Variants in RBMS3 observed in about 807,000 individuals in gnomAD.
RBMS3 encodes the protein RNA binding motif single stranded interacting protein 3.
In RBMS3, 27 loss-of-function variants were observed where a neutral mutation model predicts 66.8. The observed-to-expected ratio is 0.40, with a 90% CI of 0.30 to 0.56. The LOEUF (loss-of-function observed/expected upper bound fraction) is 0.56. RBMS3 is among the 20% of genes least tolerant of loss of function. The probability of loss-of-function intolerance (pLI) is 0.40; values close to 1 mark genes in which losing one functional copy is unlikely to be tolerated. For missense variants in RBMS3, 513 were observed against 549.5 expected (o/e 0.93, Z 0.66); for synonymous variants, 188 against 183.0 (o/e 1.03, Z -0.22).
At chr3:29,982,215 G>T (rs1349023796) in intron 12 of RBMS3, among the ~76,000 whole-genome samples, 1 of 152,106 alleles carries the variant, frequency 6.6e-6, no homozygotes, top group Non-Finnish European at 1.5e-5. Flanking sequence ...TTGCATAGAG[G>T]TGTTTATAGT....
At chr3:29,645,787 C>T (rs1255406267) in intron 4 of RBMS3, among the ~76,000 whole-genome samples, 1 of 152,192 alleles carries the variant, frequency 6.6e-6, no homozygotes, top group African/African-American at 2.4e-5. Flanking sequence ...GGATGTCATA[C>T]ATCCCATATT....
chr3:29,882,273 T>C (rs545128725), intron 7 of RBMS3, among the ~76,000 whole-genome samples: 1 of 152,270 alleles, frequency 6.6e-6, no homozygotes, highest in South Asian at 2.1e-4. Context: ...AAACTTAGAA[T>C]CTTTGTTCAT....
intron 6 of RBMS3, among the ~76,000 whole-genome samples, chr3:29,841,781 A>C (rs2149504477): frequency 6.6e-6 from 1 of 152,202 alleles, no homozygotes; most frequent in African/African-American, 2.4e-5. Flanking sequence ...AATTGGAGTA[A>C]TCTATCAAAA....
chr3:29,456,612 A>G (rs201155516), intron 2 of RBMS3, among the ~76,000 whole-genome samples: 41 of 152,320 alleles, frequency 2.7e-4, no homozygotes, highest in East Asian at 2.1e-3. Flanking sequence ...ATGCCTAGGA[A>G]AGTAAAGACC....
At chr3:29,937,429 C>A (rs2061294661) in intron 11 of RBMS3, among the ~76,000 whole-genome samples, 1 of 151,998 alleles carries the variant, frequency 6.6e-6, no homozygotes, top group Admixed American at 6.6e-5. Context: ...CTTGTTGACT[C>A]ATGGGCTTTT....
At chr3:29,713,333 A>G (rs2053252432) in intron 4 of RBMS3, among the ~76,000 whole-genome samples, 1 of 152,106 alleles carries the variant, frequency 6.6e-6, no homozygotes. Flanking sequence ...GAAAAGAAAG[A>G]TAAGACATAA....
intron 4 of RBMS3, among the ~76,000 whole-genome samples, chr3:29,702,055 T>C (rs1182445217): frequency 6.6e-6 from 1 of 152,120 alleles, no homozygotes; most frequent in African/African-American, 2.4e-5. Context: ...GGTTTGTAAA[T>C]ATGCCAATCA....
intron 5 of RBMS3, among the ~76,000 whole-genome samples, chr3:29,751,804 C>A (rs1028847266): frequency 2.0e-5 from 3 of 152,172 alleles, no homozygotes; most frequent in Non-Finnish European, 2.9e-5. Context: ...AGCACTCAAA[C>A]CCCTTGTGGG....
chr3:29,545,895 T>C (rs1203937496), intron 3 of RBMS3, among the ~76,000 whole-genome samples: 1 of 152,216 alleles, frequency 6.6e-6, no homozygotes, highest in Non-Finnish European at 1.5e-5. Flanking sequence ...AGTCTTTTGA[T>C]TTTAACTATA....
In RBMS3 at chr3:29,446,014, A is replaced by C. The variant is rs564759622; in HGVS notation, c.248+11099A>C. On this transcript the variant is annotated intron_variant, in intron 2 of 14. Coordinates refer to ENST00000383767, the MANE Select transcript of RBMS3 (RefSeq NM_001003793.3). ...ATGTACCTATGTAGCCACGACAACA[A>C]TCAAGATATAAAACATTTCTATCAT... Among the ~76,000 whole-genome samples the C allele has an allele frequency of 1.3e-3, 195 of 152,314 alleles. 8 individuals carry two copies. In the South Asian group the frequency reaches 0.04, roughly 31 times the overall value.
At chr3:29,477,731 A>C (rs1255394935) in intron 2 of RBMS3, among the ~76,000 whole-genome samples, 1 of 152,002 alleles carries the variant, frequency 6.6e-6, no homozygotes. Flanking sequence ...GATGAGGAGA[A>C]TGAGGTTAGT....
intron 2 of RBMS3, among the ~76,000 whole-genome samples, chr3:29,477,152 C>G (rs1033714382): frequency 6.6e-6 from 1 of 151,138 alleles, no homozygotes; most frequent in Non-Finnish European, 1.5e-5. Flanking sequence ...ATTTTACAGT[C>G]AGTATTTTTA....
chr3:29,598,769 G>T (rs1205753361), intron 4 of RBMS3, among the ~76,000 whole-genome samples: 1 of 151,966 alleles, frequency 6.6e-6, no homozygotes, highest in African/African-American at 2.4e-5. Flanking sequence ...CACAATCTGA[G>T]AATGTGTATT....
intron 6 of RBMS3, among the ~76,000 whole-genome samples, chr3:29,811,519 C>T (rs1326357712): frequency 1.3e-5 from 2 of 152,120 alleles, no homozygotes; most frequent in South Asian, 2.1e-4. Context: ...CACAAAAAAC[C>T]CTTGCTCTCA....
intron 3 of RBMS3, among the ~76,000 whole-genome samples, chr3:29,568,430 G>T (rs556075710): frequency 2.0e-4 from 30 of 152,326 alleles, no homozygotes; most frequent in South Asian, 1.0e-3. Flanking sequence ...CTCTTAGAAT[G>T]TATTTAAAAC....
intron 2 of RBMS3, among the ~76,000 whole-genome samples, chr3:29,466,353 C>T (rs1395862075): frequency 1.3e-5 from 2 of 151,990 alleles, no homozygotes; most frequent in Admixed American, 1.3e-4. Context: ...TTTCAAGTGC[C>T]CTCACAGTGA....
chr3:29,960,153 G>T (rs1197411459), intron 12 of RBMS3, among the ~76,000 whole-genome samples: 2 of 152,186 alleles, frequency 1.3e-5, no homozygotes, highest in Non-Finnish European at 2.9e-5. Context: ...TTACTTCCTA[G>T]ATACAATGTG....
intron 1 of RBMS3, among the ~76,000 whole-genome samples, chr3:29,415,901 T>C (rs1438325): frequency 0.65 from 98,687 of 151,836 alleles, 32,465 homozygotes; most frequent in East Asian, 0.87. Context: ...TGCCATGATA[T>C]AACACTTGGA....
chr3:29,495,231 T>C (rs1457350337), intron 3 of RBMS3, among the ~76,000 whole-genome samples: 15 of 152,070 alleles, frequency 9.9e-5, no homozygotes, highest in Admixed American at 9.8e-4. Flanking sequence ...GTGACTTTGT[T>C]ACTGGACTGA....
Sources: allele counts gnomAD v4.1 joint callset (sites outside exome capture counted in the v4.1 genomes callset), GRCh38; gene constraint gnomAD v4.1.1; transcripts MANE v1.5; gene names NCBI Gene and HGNC (gene_info 2026-07-23, HGNC 2026-07-21).